Variants in SVEP1 observed in about 807,000 individuals in gnomAD.
SVEP1 encodes sushi, von Willebrand factor type A, EGF and pentraxin domain containing 1.
A neutral mutation model predicts 367.3 loss-of-function variants in SVEP1; 164 were observed. That is an observed-to-expected ratio of 0.45 (90% confidence interval 0.39 to 0.51). The LOEUF is 0.51. SVEP1 is among the 20% of genes least tolerant of loss of function. The probability of loss-of-function intolerance (pLI) is 0.00; values close to 1 mark genes in which losing one functional copy is unlikely to be tolerated. For synonymous variants in SVEP1, 1,666 were observed against 1,611.6 expected, an observed-to-expected ratio of 1.03 and a Z score of -0.81; for missense variants, 4,117 against 4,425.3, an observed-to-expected ratio of 0.93 and a Z score of 1.98.
At chr9:110,495,691 A>T (rs58996815) in intron 8 of SVEP1, among the ~76,000 whole-genome samples, 1,913 of 151,482 alleles carry the variant, frequency 0.013, 49 homozygotes, top group African/African-American at 0.044. Flanking sequence ...CATAATATTT[A>T]AGTGCATCTT....
intron 3 of SVEP1, among the ~76,000 whole-genome samples, chr9:110,514,556 T>C (rs1234007250): frequency 1.3e-5 from 2 of 150,700 alleles, no homozygotes; most frequent in Non-Finnish European, 3.0e-5. Context: ...AATCGTAATA[T>C]AATTTAAGCA....
At chr9:110,385,795 A>C (rs1470621594) in intron 43 of SVEP1, 103 bp downstream of exon 43, 6 of 1,217,766 alleles carry the variant, frequency 4.9e-6, no homozygotes, top group Non-Finnish European at 6.7e-6. Flanking sequence ...TAGCACAGAG[A>C]TCTAAGTATC....
chr9:110,493,868 G>C (rs950080336), intron 8 of SVEP1, among the ~76,000 whole-genome samples: 1 of 152,168 alleles, frequency 6.6e-6, no homozygotes, highest in African/African-American at 2.4e-5. Flanking sequence ...TTCCTTTCTG[G>C]AGGCTCTGAG....
intron 34 of SVEP1, 135 bp from the exon 35 acceptor site, chr9:110,429,469 GC>G: frequency 1.7e-6 from 1 of 603,066 alleles, no homozygotes; most frequent in Non-Finnish European, 2.6e-6. Flanking sequence ...CTGAAATAAT[GC>G]TTTTAAATTA....
chr9:110,436,772 T>C (rs553356236), intron 27 of SVEP1, among the ~76,000 whole-genome samples: 1 of 152,342 alleles, frequency 6.6e-6, no homozygotes, highest in South Asian at 2.1e-4. Context: ...ATGCATATAA[T>C]ATTTTATGTT....
At chr9:110,463,210 TAACAAC>T (rs5899900) in intron 18 of SVEP1, among the ~76,000 whole-genome samples, 30 of 150,668 alleles carry the variant, frequency 2.0e-4, no homozygotes, top group Admixed American at 1.2e-3. Flanking sequence ...GATCATATAT[TAACAAC>T]AACAACAACA....
chr9:110,477,728 A>G (rs900008475), intron 13 of SVEP1, among the ~76,000 whole-genome samples: 1 of 151,990 alleles, frequency 6.6e-6, no homozygotes, highest in South Asian at 2.1e-4. Flanking sequence ...TCTACTTCCA[A>G]TGTATCAGCA....
intron 3 of SVEP1, among the ~76,000 whole-genome samples, chr9:110,534,795 A>G (rs1368069104): frequency 6.6e-6 from 1 of 151,872 alleles, no homozygotes; most frequent in Non-Finnish European, 1.5e-5. Context: ...GCATTTTTTC[A>G]TATGCTCATT....
chr9:110,488,942 G>T (rs779144082), intron 9 of SVEP1, among the ~76,000 whole-genome samples: 1 of 152,092 alleles, frequency 6.6e-6, no homozygotes, highest in Non-Finnish European at 1.5e-5. Flanking sequence ...CAAAAAGTAT[G>T]CAGAGTAACA....
At chr9:110,510,616 C>T (rs949726318) in intron 5 of SVEP1, among the ~76,000 whole-genome samples, 1 of 152,144 alleles carries the variant, frequency 6.6e-6, no homozygotes, top group East Asian at 1.9e-4. Context: ...TTTCTTACAG[C>T]TTTAGGATCA....
intron 40 of SVEP1, among the ~76,000 whole-genome samples, chr9:110,396,520 G>A (rs1214407497): frequency 1.3e-5 from 2 of 152,048 alleles, no homozygotes; most frequent in African/African-American, 4.8e-5. Context: ...GAAGGAAATA[G>A]AGACACAAAA....
intron 39 of SVEP1, 79 bp downstream of exon 39, chr9:110,404,248 A>T: frequency 7.5e-6 from 10 of 1,337,096 alleles, no homozygotes; most frequent in Admixed American, 6.5e-5. Flanking sequence ...TCTTTTTGGG[A>T]TTACTATTAT....
chr9:110,373,124 T>C (rs1050239932), intron 46 of SVEP1, among the ~76,000 whole-genome samples: 4 of 152,152 alleles, frequency 2.6e-5, no homozygotes, highest in Non-Finnish European at 5.9e-5. Flanking sequence ...TCAAGAGTAA[T>C]TCATTTATTA....
At chr9:110,386,535 T>TTCTA in intron 42 of SVEP1, among the ~76,000 whole-genome samples, 1 of 152,332 alleles carries the variant, frequency 6.6e-6, no homozygotes, top group Admixed American at 6.5e-5. Flanking sequence ...CATCAGACAT[T>TTCTA]TCTATGTGAG....
chr9:110,469,976 G>GTTGGA (rs1387673838), intron 16 of SVEP1, among the ~76,000 whole-genome samples: 2 of 152,200 alleles, frequency 1.3e-5, no homozygotes, highest in African/African-American at 4.8e-5. Context: ...ACCCAACGGA[G>GTTGGA]CTCTTGGACT....
At chr9:110,546,345 C>A in intron 2 of SVEP1, 54 bp from the exon 3 acceptor site, 1 of 1,514,246 alleles carries the variant, frequency 6.6e-7, no homozygotes, top group South Asian at 1.2e-5. Context: ...TTCAATGTTA[C>A]ATTCTCTGGT....
chr9:110,390,068 T>C (rs1268898780), intron 40 of SVEP1, among the ~76,000 whole-genome samples: 3,119 of 121,716 alleles, frequency 0.026, 74 homozygotes, highest in African/African-American at 0.047. Flanking sequence ...TATATAAGTA[T>C]ATATATATAC....
In SVEP1 at chr9:110,479,816, CT is replaced by C; in HGVS notation, c.2366-61del. The C allele has an allele frequency of 4.5e-6, 7 of 1,564,182 alleles. No homozygotes were observed. The South Asian group carries it at 8.4e-5, about 19-fold the overall frequency. ...TAGTGTTTTTAAAACAAAGATTTGACTTTCTATGAAATAATTGAAACAATGT... is the reference window on the plus strand; with the variant it reads ...TAGTGTTTTTAAAACAAAGATTTGACTTCTATGAAATAATTGAAACAATGT... On this transcript the variant is annotated intron_variant, in intron 12 of 47. Coordinates refer to ENST00000374469, the MANE Select transcript of SVEP1 (RefSeq NM_153366.4).
rs576367316 is a variant in SVEP1 at position 110,490,321 on chromosome 9, C to T, written c.1801-542G>A. Among the ~76,000 whole-genome samples, 7 of 152,172 alleles carry T rather than the reference C, an allele frequency of 4.6e-5. No individual in the cohort carries two copies. The East Asian group carries it at 5.8e-4, about 13-fold the overall frequency. On this transcript the variant is annotated intron_variant, in intron 8 of 47. Coordinates refer to ENST00000374469, the MANE Select transcript of SVEP1 (RefSeq NM_153366.4). ...CCATCACCTTAAATATTTATCTTTT[C>T]TTTATGCTGGAACCTTTAAAATTCT... is the stretch of plus-strand genomic sequence containing the variant.
Sources: gnomAD v4.1 joint callset for allele counts (sites outside exome capture counted in the v4.1 genomes callset) on GRCh38, gnomAD v4.1.1 for gene constraint, MANE v1.5 for transcripts, NCBI Gene and HGNC (gene_info 2026-07-23, HGNC 2026-07-21) for gene names.